Variants in SLC24A2 observed in about 807,000 individuals in gnomAD.
The protein encoded by SLC24A2 is sodium/potassium/calcium exchanger 2.
SLC24A2 carries 36 observed loss-of-function variants against 62.0 expected under a neutral mutation model. The ratio of observed to expected loss-of-function variants is 0.58; its 90% CI spans 0.44 to 0.77. The LOEUF (loss-of-function observed/expected upper bound fraction) is 0.77, where lower values mean the gene tolerates loss of function less well. Among genes scored for constraint, SLC24A2 ranks in the 30% least tolerant of loss-of-function variants. The probability of loss-of-function intolerance (pLI) is 0.00; values close to 1 mark genes in which losing one functional copy is unlikely to be tolerated. For missense variants in SLC24A2, 846 were observed against 817.9 expected (o/e 1.03, Z -0.42); for synonymous variants, 358 against 294.0 (o/e 1.22, Z -2.23).
intron 8 of SLC24A2, among the ~76,000 whole-genome samples, chr9:19,536,186 T>A (rs1833965084): frequency 6.6e-6 from 1 of 150,838 alleles, no homozygotes; most frequent in African/African-American, 2.4e-5. Flanking sequence ...TTCTTTTTTT[T>A]TAATTTTTTA....
chr9:19,661,395 C>A (rs1702654768), intron 2 of SLC24A2, among the ~76,000 whole-genome samples: 1 of 151,964 alleles, frequency 6.6e-6, no homozygotes, highest in South Asian at 2.1e-4. Context: ...GATAAAGTCC[C>A]CAGCATCATA....
chr9:20,165,757 A>T, the SLC24A2 span, among the ~76,000 whole-genome samples: 2 of 151,890 alleles, frequency 1.3e-5, no homozygotes, highest in African/African-American at 4.8e-5. Flanking sequence ...TGTGACTCAA[A>T]ATCCACGTGT....
At chr9:19,747,374 T>TAC (rs970503286) in intron 2 of SLC24A2, among the ~76,000 whole-genome samples, 1 of 152,180 alleles carries the variant, frequency 6.6e-6, no homozygotes, top group African/African-American at 2.4e-5. Flanking sequence ...TTTCATAAAA[T>TAC]ACACACACAA....
intron 2 of SLC24A2, among the ~76,000 whole-genome samples, chr9:19,733,759 G>C (rs1173983137): frequency 6.6e-6 from 1 of 152,164 alleles, no homozygotes; most frequent in Admixed American, 6.6e-5. Flanking sequence ...GGTTGTCTCT[G>C]TTGGGCACCT....
chr9:19,953,686 A>G, the SLC24A2 span, among the ~76,000 whole-genome samples: 7 of 152,052 alleles, frequency 4.6e-5, no homozygotes, highest in African/African-American at 1.7e-4. Context: ...AACAATACAA[A>G]TATTTATATT....
intron 2 of SLC24A2, among the ~76,000 whole-genome samples, chr9:19,627,491 T>C (rs1208330880): frequency 6.6e-6 from 1 of 152,170 alleles, no homozygotes; most frequent in Non-Finnish European, 1.5e-5. Context: ...AAGTTAAATC[T>C]ACACAATTGT....
At chr9:19,840,567 G>A in the SLC24A2 span, among the ~76,000 whole-genome samples, 9 of 151,958 alleles carry the variant, frequency 5.9e-5, no homozygotes, top group Non-Finnish European at 1.2e-4. Flanking sequence ...CATCAAATTG[G>A]GATTACAGAT....
At chr9:19,905,741 T>C in the SLC24A2 span, among the ~76,000 whole-genome samples, 1 of 152,150 alleles carries the variant, frequency 6.6e-6, no homozygotes, top group Non-Finnish European at 1.5e-5. Flanking sequence ...GAGAAAAATC[T>C]TTTCCTCTGT....
chr9:20,023,224 T>G, the SLC24A2 span, among the ~76,000 whole-genome samples: 5 of 152,234 alleles, frequency 3.3e-5, no homozygotes, highest in Admixed American at 1.3e-4. Flanking sequence ...TTTGAAATTA[T>G]TCATTTGACC....
intron 8 of SLC24A2, among the ~76,000 whole-genome samples, chr9:19,528,493 C>A (rs553376108): frequency 6.6e-6 from 1 of 152,146 alleles, no homozygotes; most frequent in African/African-American, 2.4e-5. Context: ...ATTCTCCCTC[C>A]TCCTTTTTCT....
At chr9:19,847,780 C>G in the SLC24A2 span, among the ~76,000 whole-genome samples, 1 of 152,054 alleles carries the variant, frequency 6.6e-6, no homozygotes. Context: ...TACTTGTTTA[C>G]CATCCTAATC....
At chr9:19,887,155 TTATC>T in the SLC24A2 span, among the ~76,000 whole-genome samples, 1 of 152,158 alleles carries the variant, frequency 6.6e-6, no homozygotes, top group East Asian at 1.9e-4. Flanking sequence ...TGGCACACGT[TTATC>T]TATATAGCAA....
the SLC24A2 span, among the ~76,000 whole-genome samples, chr9:20,297,492 G>A: frequency 1.1e-4 from 17 of 152,216 alleles, no homozygotes; most frequent in African/African-American, 4.1e-4. Context: ...GAAGGGTTTG[G>A]CACGTGGACT....
chr9:19,802,077 T>C, the SLC24A2 span, among the ~76,000 whole-genome samples: 1 of 152,226 alleles, frequency 6.6e-6, no homozygotes, highest in East Asian at 1.9e-4. Context: ...TAATATAAAC[T>C]TTAGAGTAAA....
At chr9:20,070,555 G>C in the SLC24A2 span, among the ~76,000 whole-genome samples, 1 of 152,226 alleles carries the variant, frequency 6.6e-6, no homozygotes, top group Non-Finnish European at 1.5e-5. Flanking sequence ...CTTTGGCACA[G>C]CACAGCATTC....
In SLC24A2 at chr9:19,784,530, G is replaced by A. The variant is rs75690942; in HGVS notation, c.930+1407C>T. 7.8e-3 allele frequency among the ~76,000 whole-genome samples: 1,181 copies of A among 152,158 alleles called. 17 individuals carry two copies. The highest frequency in any genetic ancestry group is 0.027 in the African/African-American group (1,128 of 41,522). Reference sequence around the variant, plus strand: ...AAAAATAAGCATTTCCTTGACAATCGTTCAGTACTTTAATTGGAATAAACA... The same window carrying A: ...AAAAATAAGCATTTCCTTGACAATCATTCAGTACTTTAATTGGAATAAACA... On this transcript the variant is annotated intron_variant, in intron 2 of 10. Transcript: ENST00000341998.
the SLC24A2 span, among the ~76,000 whole-genome samples, chr9:20,134,525 T>C: frequency 1.3e-5 from 2 of 152,088 alleles, no homozygotes; most frequent in Admixed American, 6.6e-5. Context: ...AGCCTTCAGG[T>C]TAAAGAGTCT....
chr9:19,608,810 A>G (rs939246009), intron 4 of SLC24A2, among the ~76,000 whole-genome samples: 2 of 151,894 alleles, frequency 1.3e-5, no homozygotes, highest in South Asian at 2.1e-4. Context: ...ACACACACAC[A>G]CACGCATAGA....
chr9:19,989,860 C>A, the SLC24A2 span, among the ~76,000 whole-genome samples: 1 of 152,118 alleles, frequency 6.6e-6, no homozygotes, highest in African/African-American at 2.4e-5. Flanking sequence ...GGAGTGAGGA[C>A]ATTTCCACTA....
Sources: gnomAD v4.1 joint callset for allele counts (sites outside exome capture counted in the v4.1 genomes callset) on GRCh38, gnomAD v4.1.1 for gene constraint, MANE v1.5 for transcripts, NCBI Gene and HGNC (gene_info 2026-07-23, HGNC 2026-07-21) for gene names.